GPAT4: variants seen among roughly 807,000 people sequenced by gnomAD.
The protein encoded by GPAT4 is 1-AGP acyltransferase 6.
GPAT4 carries 17 observed loss-of-function variants against 58.0 expected under a neutral mutation model. The ratio of observed to expected loss-of-function variants is 0.29; its 90% CI spans 0.20 to 0.44. The LOEUF (loss-of-function observed/expected upper bound fraction) is 0.44. Among genes scored for constraint, GPAT4 ranks in the 20% least tolerant of loss-of-function variants. The pLI, the probability that GPAT4 is intolerant of heterozygous loss-of-function variation, is 1.00. For missense variants in GPAT4, 377 were observed against 574.5 expected, an observed-to-expected ratio of 0.66 and a Z score of 3.51; for synonymous variants, 204 against 210.1, an observed-to-expected ratio of 0.97 and a Z score of 0.25.
intron 1 of GPAT4, among the ~76,000 whole-genome samples, chr8:41,584,612 AGTACT>A (rs1563267257): frequency 6.6e-6 from 1 of 152,220 alleles, no homozygotes; most frequent in Non-Finnish European, 1.5e-5. Context: ...TTACATATGC[AGTACT>A]CAGATTTCAA....
chr8:41,614,299 G>A (rs1803531390), intron 8 of GPAT4, 87 bp from the exon 9 acceptor site: 5 of 1,169,670 alleles, frequency 4.3e-6, no homozygotes, highest in Non-Finnish European at 6.1e-6. Context: ...CGAAACTAGT[G>A]TCACAAATAA....
rs747247483 is a variant in GPAT4, at chr8:41,609,830, A to C, written c.411A>C (p.Ala137=). ...ATGAGGTGACAAAGAGATTCTCAGC[A>C]GAAGAACTGGAGTCCTGGAACCTGC... ...MDDEVTKRFS[A]EELESWNLLS... is the part of the protein sequence containing the mutation. Residue 137 remains alanine, a synonymous_variant, in exon 4 of 13, where the codon GCA becomes GCC. Coordinates refer to ENST00000396987, the MANE Select transcript of GPAT4 (RefSeq NM_178819.4). The C allele has an allele frequency of 6.2e-7, 1 of 1,614,248 alleles. No homozygotes were observed. Among genetic ancestry groups the C allele is most frequent in the South Asian group, 1.1e-5 (1 of 91,084 alleles).
chr8:41,608,130 C>T (rs1279289655), intron 2 of GPAT4, among the ~76,000 whole-genome samples: 4 of 152,224 alleles, frequency 2.6e-5, no homozygotes, highest in African/African-American at 9.6e-5. Context: ...TGCCTTTGAA[C>T]TTTCTTTGCG....
chr8:41,610,235 A>T, intron 4 of GPAT4: 1 of 1,295,552 alleles, frequency 7.7e-7, no homozygotes, highest in Non-Finnish European at 9.8e-7. Flanking sequence ...GCTTTCTGCC[A>T]CTCCTTCCTG....
chr8:41,618,648 A>G, intron 10 of GPAT4, 36 bp from the exon 11 acceptor site: 1 of 1,612,176 alleles, frequency 6.2e-7, no homozygotes, highest in South Asian at 1.1e-5. Context: ...TGTGAGAACT[A>G]CTCATGTCTT....
chr8:41,621,941 C>A lies in GPAT4; in HGVS notation c.*940C>A, dbSNP rs1046992035. 6.6e-6 allele frequency: 1 copy of A among 152,346 alleles called. No individual in the cohort carries two copies. Among genetic ancestry groups the A allele is most frequent in the African/African-American group, 2.4e-5 (1 of 41,454 alleles). The allele number at this position is 152,346 out of a possible 1,614,324, so 9.4% of individuals were successfully genotyped here. ...TGGGGGACTTCTCCCTTTACTTTCT[C>A]CCCTGGCTGTGGCCCTGAGTAGCAG... is the stretch of plus-strand genomic sequence containing the variant. On this transcript the variant is annotated 3_prime_UTR_variant, in exon 13 of 13. Transcript: ENST00000396987.
chr8:41,613,879 G>A (rs1045850060), intron 8 of GPAT4, among the ~76,000 whole-genome samples: 2 of 152,074 alleles, frequency 1.3e-5, no homozygotes, highest in African/African-American at 4.8e-5. Flanking sequence ...TTGCACCACC[G>A]CATTCCAGCC....
chr8:41,585,150 A>C (rs557608251), intron 1 of GPAT4, among the ~76,000 whole-genome samples: 6 of 152,328 alleles, frequency 3.9e-5, no homozygotes, highest in African/African-American at 1.4e-4. Flanking sequence ...ACTCGACGTT[A>C]AATTCAGCGT....
intron 1 of GPAT4, among the ~76,000 whole-genome samples, chr8:41,584,084 A>G (rs1230814740): frequency 2.0e-5 from 3 of 152,102 alleles, no homozygotes; most frequent in Admixed American, 6.5e-5. Context: ...TTTAGTAGAA[A>G]TGGGGTCTCT....
chr8:41,607,093 G>C (rs1803296349), intron 2 of GPAT4, among the ~76,000 whole-genome samples: 1 of 152,148 alleles, frequency 6.6e-6, no homozygotes. Context: ...AAAGAGTCCA[G>C]TTCATTGATC....
At chr8:41,584,521 T>A (rs987361235) in intron 1 of GPAT4, among the ~76,000 whole-genome samples, 2 of 152,178 alleles carry the variant, frequency 1.3e-5, no homozygotes, top group Non-Finnish European at 2.9e-5. Context: ...CATGGATGGT[T>A]CTCAGTATAA....
chr8:41,598,302 A>T lies in GPAT4; in HGVS notation c.-838A>T, dbSNP rs1235585288. 1 of 152,284 alleles carries T rather than the reference A, an allele frequency of 6.6e-6. No individual in the cohort carries two copies. The highest frequency in any genetic ancestry group is 2.1e-4 in the South Asian group (1 of 4,834). 9.4% of individuals were successfully genotyped at this position (152,284 alleles called of 1,614,324 possible). On this transcript the variant is annotated 5_prime_UTR_variant, in exon 2 of 13. The change abolishes an upstream ATG in the 5' untranslated region. Transcript: ENST00000396987. The stretch of plus-strand genomic sequence containing the variant: ...GTTTCCCTCCCCCAGCTTTGGCAGC[A>T]TGTAAGCAGCTGTTTGCCAAGAACC...
intron 3 of GPAT4, 65 bp from the exon 4 acceptor site, chr8:41,609,590 G>A: frequency 6.2e-7 from 1 of 1,602,732 alleles, no homozygotes; most frequent in African/African-American, 1.3e-5. Flanking sequence ...CAGGATGTGT[G>A]CTCTGAGTAT....
Position 41,621,153 on chromosome 8 carries a change from A to C in GPAT4, c.*152A>C. 3 of 1,166,862 alleles carry C rather than the reference A, an allele frequency of 2.6e-6. No homozygotes were observed. The highest frequency in any genetic ancestry group is 3.6e-6 in the Non-Finnish European group (3 of 844,218). The allele number at this position is 1,166,862 out of a possible 1,614,324, so 72.3% of individuals were successfully genotyped here. The stretch of plus-strand genomic sequence containing the variant: ...AGGACTCCGGCTTTCGCCGAGCCGC[A>C]GCGGGATCCCTGTGCACCCGGCGCA... On this transcript the variant is annotated 3_prime_UTR_variant, in exon 13 of 13. Transcript: ENST00000396987.
At chr8:41,609,999 A>T in intron 4 of GPAT4, 44 bp downstream of exon 4, 1 of 1,557,656 alleles carries the variant, frequency 6.4e-7, no homozygotes, top group Non-Finnish European at 8.7e-7. Flanking sequence ...CTGCCACCCC[A>T]CGTGGTGCAC....
Position 41,599,194 on chromosome 8 carries a change from C to T in GPAT4, c.55C>T (p.Leu19=). 1.2e-6 allele frequency: 2 copies of T among 1,614,004 alleles called. No homozygotes were observed. The highest frequency in any genetic ancestry group is 1.7e-6 in the Non-Finnish European group (2 of 1,179,970). Residue 19 remains leucine, a synonymous_variant, in exon 2 of 13, where the codon CTG becomes TTG. Transcript: ENST00000396987. The stretch of plus-strand genomic sequence containing the variant: ...GATTGTCAACCTTCTGGGCATCTCC[C>T]TGACTGTCCTCTTCACCCTCCTTCT... ...SLIVNLLGIS[L]TVLFTLLLVF... is the part of the protein sequence containing the mutation.
In GPAT4 at chr8:41,612,225, C is replaced by G. The variant is rs1020309584; in HGVS notation, c.747C>G (p.Thr249=). The G allele has an allele frequency of 1.2e-6, 2 of 1,614,236 alleles. No homozygotes were observed. Among genetic ancestry groups the G allele is most frequent in the Admixed American group, 1.7e-5 (1 of 60,032 alleles). ...RNGGICVANH[T]SPIDVIILAS... is the part of the protein sequence containing the mutation. Reference sequence around the variant, plus strand: ...GTGGCATCTGTGTGGCCAATCATACCTCACCGATCGATGTGATCATCTTGG... The same window carrying G: ...GTGGCATCTGTGTGGCCAATCATACGTCACCGATCGATGTGATCATCTTGG... The change falls in exon 7 of 13, where the codon ACC becomes ACG. Residue 249 remains threonine, a synonymous_variant. Transcript: ENST00000396987.
intron 1 of GPAT4, among the ~76,000 whole-genome samples, chr8:41,592,745 C>T (rs1802828693): frequency 6.6e-6 from 1 of 152,182 alleles, no homozygotes; most frequent in South Asian, 2.1e-4. Context: ...GTTTGAAACA[C>T]TGGCTCAGGA....
intron 2 of GPAT4, among the ~76,000 whole-genome samples, chr8:41,605,622 T>C (rs2150497823): frequency 6.6e-6 from 1 of 152,312 alleles, no homozygotes; most frequent in South Asian, 2.1e-4. Flanking sequence ...TTGCCCAGGC[T>C]GGAGTGCAGT....
Sources: allele counts gnomAD v4.1 joint callset (sites outside exome capture counted in the v4.1 genomes callset), GRCh38; gene constraint gnomAD v4.1.1; transcripts MANE v1.5; gene names NCBI Gene and HGNC (gene_info 2026-07-23, HGNC 2026-07-21).